DNAH8: variants seen among roughly 807,000 people sequenced by gnomAD.
DNAH8 encodes the protein axonemal beta dynein heavy chain 8.
A neutral mutation model predicts 562.1 loss-of-function variants in DNAH8; 382 were observed. The ratio of observed to expected loss-of-function variants is 0.68; its 90% CI spans 0.63 to 0.74. The LOEUF is 0.74. Ranked by LOEUF, DNAH8 falls within the 30% of genes least tolerant of loss-of-function variation. The pLI, the probability that DNAH8 is intolerant of heterozygous loss-of-function variation, is 0.00. For missense variants in DNAH8, 5,203 were observed against 5,620.4 expected, an observed-to-expected ratio of 0.93 and a Z score of 2.37; for synonymous variants, 1,881 against 1,919.4, an observed-to-expected ratio of 0.98 and a Z score of 0.52.
At chr6:38,844,692 C>T (rs552297217) in intron 35 of DNAH8, among the ~76,000 whole-genome samples, 1 of 152,290 alleles carries the variant, frequency 6.6e-6, no homozygotes, top group East Asian at 1.9e-4. Context: ...ACCCCAGATA[C>T]ATCTAGTTGC....
chr6:38,924,151 G>C lies in DNAH8; in HGVS notation c.10951G>C (p.Asp3651His), dbSNP rs763796523. Residue 3651 changes from aspartate to histidine, a missense_variant, in exon 73 of 93, where the codon GAT becomes CAT. Around this residue, in one of 6 missense-constraint regions of DNAH8, gnomAD observed 1,399 missense variants for 1,518.4 expected, o/e 0.92. Coordinates refer to ENST00000327475, the MANE Select transcript of DNAH8 (RefSeq NM_001206927.2). ...ENLNLISMLV[D>H]PPTIGEWGLQ... ...CCTGAATCTTATTTCAATGTTGGTG[G>C]ATCCTCCAACTGTAAGTTTTACTTT... 1 of 1,613,498 alleles carries C rather than the reference G, an allele frequency of 6.2e-7. No homozygotes were observed. Among genetic ancestry groups the C allele is most frequent in the South Asian group, 1.1e-5 (1 of 91,028 alleles).
In DNAH8 at chr6:38,872,798, C is replaced by G. The variant is rs748581206; in HGVS notation, c.7237+16C>G. ...GCTAAAAAAGGTATACACAAACCTC[C>G]TTTGTGATCATTTTTTCCCTGCTAG... On this transcript the variant is annotated intron_variant, in intron 50 of 92. Transcript: ENST00000327475. 3.7e-6 allele frequency: 6 copies of G among 1,612,920 alleles called. No individual in the cohort carries two copies. The South Asian group carries it at 6.6e-5, about 18-fold the overall frequency.
intron 17 of DNAH8, among the ~76,000 whole-genome samples, chr6:38,785,468 T>G (rs1052808727): frequency 1.3e-5 from 2 of 152,236 alleles, no homozygotes; most frequent in Admixed American, 1.3e-4. Flanking sequence ...CAGATTTAAA[T>G]GTTCAAAAGT....
At chr6:38,894,553 C>T (rs1240232009) in intron 58 of DNAH8, 148 bp from the exon 59 acceptor site, 17 of 679,264 alleles carry the variant, frequency 2.5e-5, no homozygotes, top group Middle Eastern at 4.1e-4. Flanking sequence ...TTTTTCTGTC[C>T]GTGTTGTCAC....
intron 91 of DNAH8, among the ~76,000 whole-genome samples, chr6:39,013,564 A>T (rs1011141354): frequency 6.6e-6 from 1 of 152,218 alleles, no homozygotes; most frequent in Non-Finnish European, 1.5e-5. Flanking sequence ...AGAAAAAGGC[A>T]CAAAGGGCCA....
At position 38,872,674 on chromosome 6, in the gene DNAH8, A is replaced by G; in HGVS notation, c.7129A>G (p.Lys2377Glu). The G allele has an allele frequency of 6.2e-7, 1 of 1,614,126 alleles. No individual in the cohort carries two copies. The part of the protein sequence containing the change: ...RPHREMRMNP[K>E]AITAPQMFGR... ...TCATAGAGAAATGCGAATGAATCCA[A>G]AAGCCATTACTGCACCTCAGATGTT... Residue 2377 changes from lysine (K) to glutamate (E), a missense_variant, in exon 50 of 93, where the codon AAA becomes GAA. Lys to Glu is a moderately conservative substitution (Grantham distance 56). Around this residue, in one of 6 missense-constraint regions of DNAH8, gnomAD observed 2,176 missense variants for 2,365.1 expected, o/e 0.92. Transcript: ENST00000327475.
chr6:38,788,584 C>T (rs78435812), intron 18 of DNAH8, among the ~76,000 whole-genome samples: 3,484 of 152,228 alleles, frequency 0.023, 130 homozygotes, highest in African/African-American at 0.076. Flanking sequence ...TGCATACTTT[C>T]GTTCAGCAGC....
rs1358917341 is a variant in DNAH8, at chr6:38,886,777, G to A, written c.8260-14G>A. ...AGTGATATGTTACAAAAATATTGCT[G>A]TGTGAAATTTCAGATAACTAATGAG... On this transcript the variant is annotated splice_polypyrimidine_tract_variant and intron_variant, in intron 56 of 92. Coordinates refer to ENST00000327475, the MANE Select transcript of DNAH8 (RefSeq NM_001206927.2). The A allele has an allele frequency of 6.2e-7, 1 of 1,602,554 alleles. No individual in the cohort carries two copies. Among genetic ancestry groups the A allele is most frequent in the South Asian group, 1.1e-5 (1 of 90,842 alleles).
intron 88 of DNAH8, among the ~76,000 whole-genome samples, chr6:38,995,545 A>G (rs1172258937): frequency 6.6e-6 from 1 of 152,116 alleles, no homozygotes; most frequent in Non-Finnish European, 1.5e-5. Context: ...TATCTTTCGT[A>G]TTTCTCTGTC....
chr6:38,920,353 G>A (rs909165867), intron 70 of DNAH8, among the ~76,000 whole-genome samples: 7 of 152,082 alleles, frequency 4.6e-5, no homozygotes. Flanking sequence ...GGGAAAAGGA[G>A]CTAAATTCAA....
intron 80 of DNAH8, among the ~76,000 whole-genome samples, chr6:38,945,973 C>T (rs1406910116): frequency 6.6e-6 from 1 of 152,040 alleles, no homozygotes; most frequent in Non-Finnish European, 1.5e-5. Context: ...AGGTTGAGGT[C>T]CCTCTAAAAA....
chr6:38,862,594 C>T, intron 44 of DNAH8, 136 bp downstream of exon 44: 1 of 1,043,240 alleles, frequency 9.6e-7, no homozygotes, highest in Non-Finnish European at 1.3e-6. Flanking sequence ...ATGATATTGC[C>T]ATTTTTCTAG....
chr6:38,799,743 CATT>C (rs1233064042), intron 21 of DNAH8, among the ~76,000 whole-genome samples: 1 of 151,934 alleles, frequency 6.6e-6, no homozygotes, highest in African/African-American at 2.4e-5. Flanking sequence ...ACTTCGTCCT[CATT>C]AGTCATTCTC....
At position 38,790,276 on chromosome 6, in the gene DNAH8, T is replaced by G. The variant is rs1182927107; in HGVS notation, c.2665-13T>G. 1.6e-5 allele frequency: 24 copies of G among 1,481,700 alleles called. No homozygotes were observed. Among genetic ancestry groups the G allele is most frequent in the Non-Finnish European group, 2.2e-5 (23 of 1,062,986 alleles). 91.8% of individuals were successfully genotyped at this position (1,481,700 alleles called of 1,614,324 possible). A position where few individuals can be genotyped will look rare whatever the true frequency, so the allele number is the denominator to read the frequency against. ...GTTGATAATAGAAGCAGTTGTGTTTTTACCGTTTCTAGGTGGAATCTGTGT... is the reference window on the plus strand; with the variant it reads ...GTTGATAATAGAAGCAGTTGTGTTTGTACCGTTTCTAGGTGGAATCTGTGT... On this transcript the variant is annotated splice_polypyrimidine_tract_variant and intron_variant, in intron 19 of 92. Transcript: ENST00000327475.
intron 70 of DNAH8, 71 bp downstream of exon 70, chr6:38,918,211 A>G (rs937797521): frequency 1.8e-6 from 2 of 1,127,698 alleles, no homozygotes; most frequent in South Asian, 3.0e-5. Context: ...ACTGCTATTA[A>G]AAGACAATGC....
At chr6:38,803,620 G>A (rs974799880) in intron 22 of DNAH8, among the ~76,000 whole-genome samples, 1 of 148,158 alleles carries the variant, frequency 6.7e-6, no homozygotes, top group African/African-American at 2.5e-5. Context: ...TTTTTCTGGT[G>A]CAGCATTCTT....
Position 38,866,993 on chromosome 6 carries a change from G to A in DNAH8, c.6693+117G>A, listed in dbSNP as rs935283658. 5 of 601,084 alleles carry A rather than the reference G, an allele frequency of 8.3e-6. No homozygotes were observed. In the East Asian group the frequency reaches 1.4e-4, roughly 17 times the overall value. The allele number at this position is 601,084 out of a possible 1,614,324, so 37.2% of individuals were successfully genotyped here. On this transcript the variant is annotated intron_variant, in intron 47 of 92. Coordinates refer to ENST00000327475, the MANE Select transcript of DNAH8 (RefSeq NM_001206927.2). ...AATCTCATTGACTCTTTTCTAAAAT[G>A]CTTTTAGAATTAATTTTACCTATTG...
intron 62 of DNAH8, among the ~76,000 whole-genome samples, chr6:38,902,845 C>G (rs1201696352): frequency 6.6e-6 from 1 of 152,182 alleles, no homozygotes; most frequent in Admixed American, 6.6e-5. Flanking sequence ...GGATGACACT[C>G]TAATTTCTCT....
intron 41 of DNAH8, among the ~76,000 whole-genome samples, chr6:38,855,815 G>A (rs914595928): frequency 5.3e-5 from 8 of 152,080 alleles, no homozygotes; most frequent in Non-Finnish European, 1.0e-4. Flanking sequence ...GGTAAGCGGC[G>A]GGCAAGTGAG....
Sources: allele counts gnomAD v4.1 joint callset (sites outside exome capture counted in the v4.1 genomes callset), GRCh38; gene constraint gnomAD v4.1.1; regional missense constraint gnomAD v4.1.1; transcripts MANE v1.5; gene names NCBI Gene and HGNC (gene_info 2026-07-23, HGNC 2026-07-21).